Variants in CMTM8 observed in about 807,000 individuals in gnomAD.
The protein encoded by CMTM8 is CKLF-like MARVEL transmembrane domain-containing protein 8.
Under a neutral mutation model 18.6 loss-of-function variants are expected in CMTM8, and 12 were observed. The observed-to-expected ratio is 0.65, with a 90% confidence interval of 0.41 to 1.05. The LOEUF (loss-of-function observed/expected upper bound fraction) is 1.05. CMTM8 is among the 50% of genes least tolerant of loss of function. The pLI is 0.00. For missense variants in CMTM8, 217 were observed against 227.2 expected (o/e 0.95, Z 0.29); for synonymous variants, 87 against 90.6 (o/e 0.96, Z 0.23).
chr3:32,302,533 G>A (rs1037379832), intron 1 of CMTM8, among the ~76,000 whole-genome samples: 6 of 152,166 alleles, frequency 3.9e-5, no homozygotes, highest in African/African-American at 1.2e-4. Flanking sequence ...CCCAAAAGGC[G>A]ATTGGCCCCC....
At chr3:32,297,076 A>G (rs944610500) in intron 1 of CMTM8, among the ~76,000 whole-genome samples, 11 of 152,242 alleles carry the variant, frequency 7.2e-5, no homozygotes, top group Non-Finnish European at 1.5e-5. Context: ...GTGTTGATGC[A>G]AAAAGATGAT....
rs532050491 is a variant in CMTM8 at position 32,245,698 on chromosome 3, T to G, written c.147+6579T>G. ...AAATAGGGTTTACTGAGAGTTGGAA[T>G]TTTAATTATTCTGTTGCCCTGTTGA... is the stretch of plus-strand genomic sequence containing the variant. On this transcript the variant is annotated intron_variant, in intron 1 of 3. Transcript: ENST00000307526. 2.0e-5 allele frequency among the ~76,000 whole-genome samples: 3 copies of G among 152,356 alleles called. No individual in the cohort carries two copies. In the South Asian group the frequency reaches 6.2e-4, roughly 32 times the overall value.
intron 1 of CMTM8, among the ~76,000 whole-genome samples, chr3:32,251,792 T>A (rs116016602): frequency 6.6e-6 from 1 of 151,286 alleles, no homozygotes; most frequent in African/African-American, 2.4e-5. Flanking sequence ...TTTTTTTTTT[T>A]AATATTTACT....
intron 1 of CMTM8, among the ~76,000 whole-genome samples, chr3:32,270,624 A>G (rs1214164045): frequency 6.6e-6 from 1 of 152,218 alleles, no homozygotes; most frequent in Non-Finnish European, 1.5e-5. Flanking sequence ...GCAAGGACAA[A>G]AAACCAAACA....
chr3:32,266,473 A>C (rs149037551), intron 1 of CMTM8, among the ~76,000 whole-genome samples: 1,669 of 151,990 alleles, frequency 0.011, 30 homozygotes, highest in African/African-American at 0.038. Flanking sequence ...TAAGAGCTAT[A>C]TATGACAAAC....
chr3:32,356,053 T>C (rs1345612124), intron 1 of CMTM8, among the ~76,000 whole-genome samples: 6 of 152,222 alleles, frequency 3.9e-5, no homozygotes, highest in African/African-American at 7.2e-5. Flanking sequence ...CACTAGACTT[T>C]AGTGCTCTAC....
Position 32,368,005 on chromosome 3 carries a change from C to T in CMTM8, c.438+17C>T, listed in dbSNP as rs1489834165. 2 of 1,493,670 alleles carry T rather than the reference C, an allele frequency of 1.3e-6. No individual in the cohort carries two copies. Among genetic ancestry groups the T allele is most frequent in the Non-Finnish European group, 1.9e-6 (2 of 1,070,278 alleles). The allele number at this position is 1,493,670 out of a possible 1,614,324, so 92.5% of individuals were successfully genotyped here. On this transcript the variant is annotated intron_variant, in intron 3 of 3. Transcript: ENST00000307526. ...GCCTCATCGGTGAGTAGCCCTCCATCCCCACATGATCCTCCTCTTCCCTCT... is the reference window on the plus strand; with the variant it reads ...GCCTCATCGGTGAGTAGCCCTCCATTCCCACATGATCCTCCTCTTCCCTCT...
At chr3:32,353,885 A>G (rs1268660625) in intron 1 of CMTM8, among the ~76,000 whole-genome samples, 1 of 151,446 alleles carries the variant, frequency 6.6e-6, no homozygotes, top group African/African-American at 2.4e-5. Flanking sequence ...CCTGGGTTCA[A>G]GCGATTCTCC....
intron 1 of CMTM8, among the ~76,000 whole-genome samples, chr3:32,281,532 A>G (rs1702610744): frequency 6.6e-6 from 1 of 152,188 alleles, no homozygotes; most frequent in Non-Finnish European, 1.5e-5. Context: ...TGCCATCTTG[A>G]AAACTGTAAC....
intron 1 of CMTM8, among the ~76,000 whole-genome samples, chr3:32,302,032 T>C (rs2125563642): frequency 6.6e-6 from 1 of 152,076 alleles, no homozygotes; most frequent in East Asian, 1.9e-4. Context: ...TTTTTTTTTT[T>C]CTTAATAAGA....
At chr3:32,353,466 A>C (rs1696752496) in intron 1 of CMTM8, among the ~76,000 whole-genome samples, 1 of 152,206 alleles carries the variant, frequency 6.6e-6, no homozygotes, top group Non-Finnish European at 1.5e-5. Flanking sequence ...GACAACCTAA[A>C]TTTCTATCAA....
chr3:32,302,931 A>G (rs1238377151), intron 1 of CMTM8, among the ~76,000 whole-genome samples: 2 of 152,268 alleles, frequency 1.3e-5, no homozygotes, highest in Non-Finnish European at 2.9e-5. Flanking sequence ...TTGTCTTTGG[A>G]GAGAGACCTG....
At chr3:32,349,191 T>A (rs1696656608) in intron 1 of CMTM8, among the ~76,000 whole-genome samples, 1 of 152,160 alleles carries the variant, frequency 6.6e-6, no homozygotes, top group African/African-American at 2.4e-5. Context: ...TCCAATAATC[T>A]TGGTTATCTG....
intron 1 of CMTM8, among the ~76,000 whole-genome samples, chr3:32,250,815 AC>A (rs1407003009): frequency 6.6e-6 from 1 of 151,608 alleles, no homozygotes; most frequent in Admixed American, 6.6e-5. Context: ...CTGGTCTCGA[AC>A]CCCTGAGCTC....
intron 1 of CMTM8, among the ~76,000 whole-genome samples, chr3:32,305,521 C>A (rs1249904581): frequency 6.6e-6 from 1 of 152,180 alleles, no homozygotes; most frequent in African/African-American, 2.4e-5. Flanking sequence ...CTGGACCCTG[C>A]CTTCAAAGCT....
At chr3:32,259,864 C>G in intron 1 of CMTM8, 1 of 850,342 alleles carries the variant, frequency 1.2e-6, no homozygotes, top group South Asian at 1.4e-5. Flanking sequence ...TGGAGATTGA[C>G]CTGGACTCCA....
intron 1 of CMTM8, among the ~76,000 whole-genome samples, chr3:32,280,985 C>A (rs1436919611): frequency 6.6e-6 from 1 of 151,890 alleles, no homozygotes; most frequent in African/African-American, 2.4e-5. Context: ...GTGGGATTCA[C>A]ACCAGATCTT....
At chr3:32,310,401 A>G (rs781165871) in intron 1 of CMTM8, among the ~76,000 whole-genome samples, 1 of 152,138 alleles carries the variant, frequency 6.6e-6, no homozygotes, top group Non-Finnish European at 1.5e-5. Flanking sequence ...CTGTCTGGAG[A>G]TGCTTTAGAG....
In CMTM8 at chr3:32,238,958, G is replaced by A. The variant is rs1312770003; in HGVS notation, c.-15G>A. 3.9e-6 allele frequency: 6 copies of A among 1,544,820 alleles called. No homozygotes were observed. Among genetic ancestry groups the A allele is most frequent in the Non-Finnish European group, 5.2e-6 (6 of 1,144,322 alleles). The stretch of plus-strand genomic sequence containing the variant: ...GGGGTCCCTGGGGACGCGCCAGCCC[G>A]GCAGTGGCTCGACGATGGAGGAGCC... On this transcript the variant is annotated 5_prime_UTR_variant, in exon 1 of 4. Coordinates refer to ENST00000307526, the MANE Select transcript of CMTM8 (RefSeq NM_178868.5).
Sources: gnomAD v4.1 joint callset for allele counts (sites outside exome capture counted in the v4.1 genomes callset) on GRCh38, gnomAD v4.1.1 for gene constraint, MANE v1.5 for transcripts, NCBI Gene and HGNC (gene_info 2026-07-23, HGNC 2026-07-21) for gene names.